The following UBAP1 variants were observed in gnomAD, a reference collection of about 807,000 sequenced individuals.
UBAP1 encodes the protein ubiquitin associated protein 1, also known as ubiquitin-associated protein 1.
A neutral mutation model predicts 39.0 loss-of-function variants in UBAP1; 5 were observed. That is an observed-to-expected ratio of 0.13 (90% CI 0.07 to 0.27). The LOEUF (loss-of-function observed/expected upper bound fraction) is 0.27, where lower values mean the gene tolerates loss of function less well. Among genes scored for constraint, UBAP1 ranks in the 10% least tolerant of loss-of-function variants. The probability of loss-of-function intolerance (pLI) is 1.00; values close to 1 mark genes in which losing one functional copy is unlikely to be tolerated. For missense variants in UBAP1, 490 were observed against 608.1 expected, an observed-to-expected ratio of 0.81 and a Z score of 2.04; for synonymous variants, 211 against 225.1, an observed-to-expected ratio of 0.94 and a Z score of 0.56.
intron 1 of UBAP1, among the ~76,000 whole-genome samples, chr9:34,202,676 T>TGTGTGTGTGTGTCC (rs1554647595): frequency 7.0e-6 from 1 of 143,256 alleles, no homozygotes; most frequent in East Asian, 2.0e-4. Flanking sequence ...TGTGTGTGTG[T>TGTGTGTGTGTGTCC]GTCCCCGTCC....
intron 1 of UBAP1, among the ~76,000 whole-genome samples, chr9:34,218,442 A>T (rs1832470746): frequency 6.6e-6 from 1 of 152,112 alleles, no homozygotes; most frequent in South Asian, 2.1e-4. Context: ...TGCTTCTTCA[A>T]ACAGCTGATA....
At position 34,189,526 on chromosome 9, in the gene UBAP1, G is replaced by A. The variant is rs369574073; in HGVS notation, c.-8+10286G>A. 4.6e-5 allele frequency among the ~76,000 whole-genome samples: 7 copies of A among 152,088 alleles called. No individual in the cohort carries two copies. In the East Asian group the frequency reaches 1.4e-3, roughly 30 times the overall value. On this transcript the variant is annotated intron_variant, in intron 1 of 6. Transcript: ENST00000297661. ...TTATAGGATACCTCATGAGAGAAGT[G>A]ATCTGGCTGCATGGGTGGAATTCAA... is the stretch of plus-strand genomic sequence containing the variant.
At chr9:34,229,362 A>G (rs1177024085) in intron 2 of UBAP1, among the ~76,000 whole-genome samples, 1 of 151,614 alleles carries the variant, frequency 6.6e-6, no homozygotes. Context: ...GGTTCAAGCG[A>G]TTCTCCTGCC....
chr9:34,207,348 T>G (rs1415521156), intron 1 of UBAP1, among the ~76,000 whole-genome samples: 1 of 150,714 alleles, frequency 6.6e-6, no homozygotes, highest in Non-Finnish European at 1.5e-5. Context: ...GCCTGGCCGC[T>G]TAATTGTTAT....
At chr9:34,224,270 TCGTA>T in intron 2 of UBAP1, 1 of 475,076 alleles carries the variant, frequency 2.1e-6, no homozygotes, top group African/African-American at 2.0e-5. Flanking sequence ...ATAGTGGGAC[TCGTA>T]CCACTGTCCA....
chr9:34,220,814 C>A, intron 1 of UBAP1, 94 bp from the exon 2 acceptor site: 1 of 1,083,134 alleles, frequency 9.2e-7, no homozygotes, highest in Admixed American at 2.0e-5. Context: ...AGCCCTAAAA[C>A]CTTAGGTCTT....
At chr9:34,198,981 C>A (rs187904272) in intron 1 of UBAP1, among the ~76,000 whole-genome samples, 273 of 152,304 alleles carry the variant, frequency 1.8e-3, no homozygotes, top group African/African-American at 6.4e-3. Flanking sequence ...CAAAGGTGTT[C>A]TTGTCTGTGG....
Position 34,251,755 on chromosome 9 carries a change from C to T in UBAP1, c.*223C>T, listed in dbSNP as rs1014520025. ...CCCCCAGAACTGTCCTGGCTCCTTC[C>T]GTATTAAACGCATTTGCATTTTGAG... On this transcript the variant is annotated 3_prime_UTR_variant, in exon 7 of 7. Coordinates refer to ENST00000297661, the MANE Select transcript of UBAP1 (RefSeq NM_016525.5). 100 of 514,486 alleles carry T rather than the reference C, an allele frequency of 1.9e-4. No homozygotes were observed. Among genetic ancestry groups the T allele is most frequent in the Non-Finnish European group, 3.0e-4 (87 of 290,190 alleles). The allele number at this position is 514,486 out of a possible 1,614,324, so 31.9% of individuals were successfully genotyped here.
Position 34,182,495 on chromosome 9 carries a change from C to T in UBAP1, c.-8+3255C>T, listed in dbSNP as rs549682812. The stretch of plus-strand genomic sequence containing the variant: ...CCATGGCGCCCAGATGGATCCCTGA[C>T]GTTTAATTCAGTGACTAAAATTCTT... On this transcript the variant is annotated intron_variant, in intron 1 of 6. Coordinates refer to ENST00000297661, the MANE Select transcript of UBAP1 (RefSeq NM_016525.5). Among the ~76,000 whole-genome samples the T allele has an allele frequency of 1.1e-4, 16 of 152,122 alleles. No homozygotes were observed. In the East Asian group the frequency reaches 1.9e-3, roughly 18 times the overall value.
intron 4 of UBAP1, among the ~76,000 whole-genome samples, chr9:34,248,043 T>TA (rs1216699396): frequency 9.6e-6 from 1 of 104,538 alleles, no homozygotes; most frequent in African/African-American, 2.9e-5. Flanking sequence ...ATAGATACGA[T>TA]TTTTTTTTTT....
intron 3 of UBAP1, among the ~76,000 whole-genome samples, chr9:34,235,524 A>G (rs1173024716): frequency 2.0e-5 from 3 of 152,070 alleles, no homozygotes; most frequent in Non-Finnish European, 4.4e-5. Context: ...ATTTTTTAGT[A>G]GAGACGGGGT....
At chr9:34,234,405 A>G (rs552515774) in intron 3 of UBAP1, 65 bp downstream of exon 3, 3 of 1,508,826 alleles carry the variant, frequency 2.0e-6, no homozygotes, top group Non-Finnish European at 1.8e-6. Flanking sequence ...AATTTGATGT[A>G]TAGTGAAATA....
chr9:34,251,696 C>G lies in UBAP1; in HGVS notation c.*164C>G. On this transcript the variant is annotated 3_prime_UTR_variant, in exon 7 of 7. Transcript: ENST00000297661. ...AGTCTCTGTGAGCCTAGGCCCTGAG[C>G]TGGGGAGGTGGGGAAGATTCGGGCA... 1 of 763,356 alleles carries G rather than the reference C, an allele frequency of 1.3e-6. No homozygotes were observed. The highest frequency in any genetic ancestry group is 2.9e-5 in the Admixed American group (1 of 34,140). 47.3% of individuals were successfully genotyped at this position (763,356 alleles called of 1,614,324 possible).
intron 4 of UBAP1, among the ~76,000 whole-genome samples, chr9:34,244,213 G>A (rs1297507841): frequency 3.3e-5 from 5 of 152,044 alleles, no homozygotes; most frequent in African/African-American, 1.2e-4. Context: ...CAGCCCCTGT[G>A]GTAACCATCC....
At chr9:34,179,383 G>T (rs932784125) in intron 1 of UBAP1, 143 bp downstream of exon 1, 4 of 579,690 alleles carry the variant, frequency 6.9e-6, no homozygotes, top group African/African-American at 1.9e-5. Context: ...AAAAGTGGCC[G>T]GAGATCCGCG....
chr9:34,192,673 C>T (rs1587796592), intron 1 of UBAP1, among the ~76,000 whole-genome samples: 1 of 152,050 alleles, frequency 6.6e-6, no homozygotes, highest in South Asian at 2.1e-4. Context: ...CTCCTGGCCT[C>T]GAGCATACCT....
chr9:34,211,344 G>C (rs1338401024), intron 1 of UBAP1, among the ~76,000 whole-genome samples: 1 of 152,112 alleles, frequency 6.6e-6, no homozygotes, highest in African/African-American at 2.4e-5. Flanking sequence ...GCTATGACTT[G>C]TATGGGAGTT....
At chr9:34,183,822 G>A (rs184066759) in intron 1 of UBAP1, among the ~76,000 whole-genome samples, 155 of 150,496 alleles carry the variant, frequency 1.0e-3, no homozygotes, top group Admixed American at 1.8e-3. Flanking sequence ...CCAGGCTGGA[G>A]TGCAATGGCG....
At chr9:34,215,316 TATG>T (rs1356343414) in intron 1 of UBAP1, among the ~76,000 whole-genome samples, 1 of 150,944 alleles carries the variant, frequency 6.6e-6, no homozygotes, top group Non-Finnish European at 1.5e-5. Flanking sequence ...AGTATGTATA[TATG>T]TGTCATATAT....
Sources: gnomAD v4.1 joint callset for allele counts (sites outside exome capture counted in the v4.1 genomes callset) on GRCh38, gnomAD v4.1.1 for gene constraint, MANE v1.5 for transcripts, NCBI Gene and HGNC (gene_info 2026-07-23, HGNC 2026-07-21) for gene names.